The following MACROD2 variants were observed in gnomAD, a reference collection of about 807,000 sequenced individuals.
MACROD2 encodes ADP-ribose glycohydrolase MACROD2.
Under a neutral mutation model 70.4 loss-of-function variants are expected in MACROD2, and 36 were observed. The observed-to-expected ratio is 0.51, with a 90% CI of 0.39 to 0.68. The LOEUF (loss-of-function observed/expected upper bound fraction) is 0.68. MACROD2 is among the 30% of genes least tolerant of loss of function. The pLI is 0.00. For synonymous variants in MACROD2, 172 were observed against 178.8 expected (o/e 0.96, Z 0.30); for missense variants, 496 against 538.4 (o/e 0.92, Z 0.78).
chr20:14,088,400 A>G (rs942450798), intron 3 of MACROD2, among the ~76,000 whole-genome samples: 141 of 152,070 alleles, frequency 9.3e-4, no homozygotes, highest in Non-Finnish European at 5.0e-4. Flanking sequence ...ATATATATAG[A>G]CACATAAAAG....
chr20:15,575,836 T>C (rs972532735), intron 8 of MACROD2, among the ~76,000 whole-genome samples: 3 of 152,162 alleles, frequency 2.0e-5, no homozygotes, highest in Non-Finnish European at 4.4e-5. Flanking sequence ...CCGTGTCTCT[T>C]TCCGGCCACG....
intron 7 of MACROD2, among the ~76,000 whole-genome samples, chr20:15,457,821 T>G (rs2146406633): frequency 6.6e-6 from 1 of 152,174 alleles, no homozygotes; most frequent in Admixed American, 6.5e-5. Context: ...TAGAGTTGCT[T>G]AGACTGGGAC....
intron 5 of MACROD2, among the ~76,000 whole-genome samples, chr20:15,057,446 G>A (rs2075495651): frequency 6.6e-6 from 1 of 152,164 alleles, no homozygotes. Flanking sequence ...TCTGGTTTAT[G>A]TGGCTTGTTC....
chr20:14,449,187 G>A (rs2084218122), intron 3 of MACROD2, among the ~76,000 whole-genome samples: 1 of 151,974 alleles, frequency 6.6e-6, no homozygotes, highest in African/African-American at 2.4e-5. Context: ...CTCAGTGTAT[G>A]CTAAATGCTT....
chr20:14,607,625 T>G lies in MACROD2; in HGVS notation c.302-77218T>G, dbSNP rs185168229. On this transcript the variant is annotated intron_variant, in intron 4 of 17. Coordinates refer to ENST00000684519, the MANE Select transcript of MACROD2 (RefSeq NM_001351661.2). ...ATGTTTCCTGAATTCCTAGACTTAA[T>G]GCTTTCTGTTCCATTAACGATACTT... Among the ~76,000 whole-genome samples the G allele has an allele frequency of 4.6e-5, 7 of 152,310 alleles. No homozygotes were observed. In the East Asian group the frequency reaches 1.4e-3, roughly 29 times the overall value.
intron 3 of MACROD2, among the ~76,000 whole-genome samples, chr20:14,350,826 T>C (rs1318534512): frequency 1.3e-5 from 2 of 152,202 alleles, no homozygotes; most frequent in Admixed American, 6.5e-5. Context: ...TCAAGAAATC[T>C]TTGCCCAGAC....
intron 6 of MACROD2, among the ~76,000 whole-genome samples, chr20:15,257,452 G>T (rs889898146): frequency 1.3e-5 from 2 of 152,004 alleles, no homozygotes; most frequent in Non-Finnish European, 2.9e-5. Flanking sequence ...GAAATAAAAG[G>T]TTTGGATTGT....
At chr20:14,757,934 A>G in intron 5 of MACROD2, 2 of 1,079,126 alleles carry the variant, frequency 1.9e-6, no homozygotes, top group Non-Finnish European at 1.4e-6. Context: ...CGACAGAGAT[A>G]CCTACAGACG....
intron 5 of MACROD2, among the ~76,000 whole-genome samples, chr20:14,762,566 T>C (rs1446695265): frequency 1.3e-5 from 2 of 152,140 alleles, no homozygotes; most frequent in Non-Finnish European, 2.9e-5. Flanking sequence ...AGGTGTCTAC[T>C]TAGGGTAAAC....
At chr20:14,648,621 C>CATATATATATGTAT (rs1985518509) in intron 4 of MACROD2, among the ~76,000 whole-genome samples, 1 of 148,734 alleles carries the variant, frequency 6.7e-6, no homozygotes, top group Non-Finnish European at 1.5e-5. Context: ...TTTATTTAAA[C>CATATATATATGTAT]ATATATATAT....
intron 5 of MACROD2, among the ~76,000 whole-genome samples, chr20:14,850,697 C>T (rs1215269792): frequency 6.6e-6 from 1 of 152,104 alleles, no homozygotes; most frequent in African/African-American, 2.4e-5. Context: ...GAAGAGCTGA[C>T]TCCACACAGC....
chr20:15,075,567 A>T (rs933330836), intron 5 of MACROD2, among the ~76,000 whole-genome samples: 3 of 152,184 alleles, frequency 2.0e-5, no homozygotes, highest in Non-Finnish European at 4.4e-5. Flanking sequence ...CTATAACATC[A>T]TCTTCAATAT....
chr20:15,546,842 G>A (rs1047134091), intron 8 of MACROD2, among the ~76,000 whole-genome samples: 4 of 152,120 alleles, frequency 2.6e-5, no homozygotes, highest in African/African-American at 9.7e-5. Flanking sequence ...CAGCCTGAAG[G>A]CATATTTTTC....
chr20:14,454,749 C>CTTTT (rs11087091), intron 3 of MACROD2, among the ~76,000 whole-genome samples: 4 of 80,644 alleles, frequency 5.0e-5, no homozygotes, highest in East Asian at 4.1e-4. Context: ...TCTCTACACT[C>CTTTT]TTTTTTTTTT....
At chr20:14,269,684 A>G (rs2082174330) in intron 3 of MACROD2, among the ~76,000 whole-genome samples, 1 of 152,186 alleles carries the variant, frequency 6.6e-6, no homozygotes, top group Non-Finnish European at 1.5e-5. Context: ...TAATAAAGTA[A>G]GAATAATGCA....
intron 3 of MACROD2, among the ~76,000 whole-genome samples, chr20:14,148,051 T>G (rs1601281162): frequency 1.3e-5 from 2 of 152,330 alleles, no homozygotes; most frequent in East Asian, 3.9e-4. Context: ...AAAAATTGAA[T>G]CTGAAATTAG....
chr20:14,607,705 C>T (rs775499324), intron 4 of MACROD2, among the ~76,000 whole-genome samples: 4 of 152,248 alleles, frequency 2.6e-5, no homozygotes, highest in East Asian at 1.9e-4. Context: ...CGCTACATGA[C>T]GGTCAGGCTA....
chr20:14,549,471 C>T (rs1978510340), intron 4 of MACROD2, among the ~76,000 whole-genome samples: 1 of 152,044 alleles, frequency 6.6e-6, no homozygotes, highest in African/African-American at 2.4e-5. Context: ...TTACATCAAG[C>T]ATTTTTAATT....
rs186805261 is a variant in MACROD2, at chr20:15,802,669, C to T, written c.646-60076C>T. Among the ~76,000 whole-genome samples the T allele has an allele frequency of 3.9e-3, 586 of 151,906 alleles. 5 individuals carry two copies. The highest frequency in any genetic ancestry group is 0.014 in the Middle Eastern group (4 of 292). On this transcript the variant is annotated intron_variant, in intron 8 of 17. Transcript: ENST00000684519. ...AACAGAAAAAGAAATAGTAAAGGTCCGAGCACAACTAACTGAAATCATGAC... is the reference window on the plus strand; with the variant it reads ...AACAGAAAAAGAAATAGTAAAGGTCTGAGCACAACTAACTGAAATCATGAC...
Sources: gnomAD v4.1 joint callset for allele counts (sites outside exome capture counted in the v4.1 genomes callset) on GRCh38, gnomAD v4.1.1 for gene constraint, MANE v1.5 for transcripts, NCBI Gene and HGNC (gene_info 2026-07-23, HGNC 2026-07-21) for gene names.